CHD1L: variants seen among roughly 807,000 people sequenced by gnomAD.
The protein encoded by CHD1L is chromodomain helicase DNA binding protein 1 like, also known as ATP-dependent chromatin remodeler CHD1L.
CHD1L carries 118 observed loss-of-function variants against 115.9 expected under a neutral mutation model. The ratio of observed to expected loss-of-function variants is 1.02; its 90% confidence interval spans 0.88 to 1.19. CHD1L has a LOEUF of 1.19. Ranked by LOEUF, CHD1L falls within the 50% of genes most tolerant of loss-of-function variation. The pLI, the probability that CHD1L is intolerant of heterozygous loss-of-function variation, is 0.00. For missense variants in CHD1L, 1,179 were observed against 1,065.3 expected, an observed-to-expected ratio of 1.11 and a Z score of -1.49; for synonymous variants, 411 against 387.1, an observed-to-expected ratio of 1.06 and a Z score of -0.72.
intron 1 of CHD1L, 200 bp downstream of exon 1, chr1:147,243,030 G>C: frequency 1.9e-6 from 1 of 533,032 alleles, no homozygotes; most frequent in East Asian, 3.8e-5. Flanking sequence ...GGCGCGCGGG[G>C]CCGGCGGACG....
chr1:147,197,859 A>T, the CHD1L span, among the ~76,000 whole-genome samples: 1 of 152,178 alleles, frequency 6.6e-6, no homozygotes. Flanking sequence ...TCCAGCCCCT[A>T]GCAGAAGGCC....
chr1:147,263,054 TG>T (rs1204415879), intron 6 of CHD1L, among the ~76,000 whole-genome samples: 1 of 152,274 alleles, frequency 6.6e-6, no homozygotes, highest in Non-Finnish European at 1.5e-5. Context: ...TATGTAAATG[TG>T]TATATACATA....
intron 10 of CHD1L, among the ~76,000 whole-genome samples, chr1:147,270,334 TAC>T (rs781996166): frequency 4.6e-5 from 7 of 152,198 alleles, no homozygotes; most frequent in Non-Finnish European, 8.8e-5. Flanking sequence ...CCTCTCGCTA[TAC>T]AAAAATTTTC....
At chr1:147,266,524 GA>G in intron 8 of CHD1L, among the ~76,000 whole-genome samples, 1 of 152,348 alleles carries the variant, frequency 6.6e-6, no homozygotes, top group South Asian at 2.1e-4. Flanking sequence ...GTAGCATGAT[GA>G]AATCTCACTC....
At position 147,286,480 on chromosome 1, in the gene CHD1L, C is replaced by T. The variant is rs782813032; in HGVS notation, c.2201C>T (p.Ala734Val). The stretch of plus-strand genomic sequence containing the variant: ...CACCCTCAGGCTGGGGCCGAGGATG[C>T]TCTCATTGTGCACTGCGTAGGTACG... ...VTHPQAGAED[A>V]LIVHCVDDSG... Residue 734 changes from alanine to valine, a missense_variant, in exon 18 of 23, where the codon GCT becomes GTT. Physicochemically the swap from Ala to Val is moderately conservative, Grantham distance 64 (BLOSUM62 0). Coordinates refer to ENST00000369258, the MANE Select transcript of CHD1L (RefSeq NM_004284.6). The T allele has an allele frequency of 2.5e-6, 4 of 1,613,644 alleles. No homozygotes were observed. Among genetic ancestry groups the T allele is most frequent in the Admixed American group, 3.3e-5 (2 of 59,996 alleles).
chr1:147,262,305 A>G (rs1672244125), intron 6 of CHD1L, among the ~76,000 whole-genome samples: 1 of 152,198 alleles, frequency 6.6e-6, no homozygotes, highest in Admixed American at 6.5e-5. Flanking sequence ...TAAGGCTACC[A>G]AGAACAATTA....
the CHD1L span, among the ~76,000 whole-genome samples, chr1:147,193,781 G>T: frequency 6.6e-6 from 1 of 152,136 alleles, no homozygotes; most frequent in Admixed American, 6.6e-5. Context: ...AGTCATTCAG[G>T]AGCAGGTTGT....
chr1:147,192,836 C>T, the CHD1L span, among the ~76,000 whole-genome samples: 1 of 152,112 alleles, frequency 6.6e-6, no homozygotes, highest in Admixed American at 6.5e-5. Context: ...GTATGTTGAA[C>T]CAGCCTTGCA....
the CHD1L span, among the ~76,000 whole-genome samples, chr1:147,188,458 G>A: frequency 1.4e-5 from 2 of 147,264 alleles, no homozygotes; most frequent in Non-Finnish European, 3.0e-5. Context: ...AGGAAGTGGA[G>A]GTTGCAGTGA....
At chr1:147,242,922 T>C in intron 1 of CHD1L, 92 bp downstream of exon 1, 1 of 1,221,030 alleles carries the variant, frequency 8.2e-7, no homozygotes, top group Non-Finnish European at 1.0e-6. Context: ...GGCCGCCCGG[T>C]GGGCAGTTTA....
the CHD1L span, chr1:147,209,028 C>A: frequency 1.2e-6 from 2 of 1,614,066 alleles, no homozygotes; most frequent in Admixed American, 3.3e-5. Flanking sequence ...GGATCCAAGC[C>A]CCTCTCCTGG....
chr1:147,249,625 C>T (rs1286210780), intron 1 of CHD1L, among the ~76,000 whole-genome samples: 1 of 151,988 alleles, frequency 6.6e-6, no homozygotes, highest in Non-Finnish European at 1.5e-5. Context: ...AGGATGGTCT[C>T]AATCTCTTGA....
In CHD1L at chr1:147,276,156, T is replaced by C. The variant is rs782595117; in HGVS notation, c.1438T>C (p.Tyr480His). 11 of 1,614,068 alleles carry C rather than the reference T, an allele frequency of 6.8e-6. No homozygotes were observed. The highest frequency in any genetic ancestry group is 3.3e-5 in the Admixed American group (2 of 60,012). Residue 480 changes from tyrosine (Y) to histidine (H), a missense_variant, in exon 14 of 23, where the codon TAT (tyrosine) becomes CAT (histidine). By Grantham distance (83) the Tyr-to-His change is moderately conservative. Transcript: ENST00000369258. ...IGRDTVEEIV[Y>H]RKAASKLQLT... is the part of the protein sequence containing the mutation. The stretch of plus-strand genomic sequence containing the variant: ...TCGAGACACTGTGGAAGAAATAGTC[T>C]ATAGGAAAGCAGCCTCCAAACTGCA...
the CHD1L span, chr1:147,187,103 G>A: frequency 5.9e-5 from 95 of 1,613,962 alleles, 1 homozygote; most frequent in South Asian, 9.9e-4. Flanking sequence ...GGAGTGCAGG[G>A]TCCCAGTAAT....
At chr1:147,178,036 T>C in the CHD1L span, 2 of 685,480 alleles carry the variant, frequency 2.9e-6, no homozygotes, top group Non-Finnish European at 4.6e-6. Flanking sequence ...AGTGGTAAAA[T>C]AGGTGGTCGC....
At chr1:147,243,023 G>T (rs1342192102) in intron 1 of CHD1L, 193 bp downstream of exon 1, 1 of 617,570 alleles carries the variant, frequency 1.6e-6, no homozygotes, top group East Asian at 3.7e-5. Flanking sequence ...CCTGCGCGGC[G>T]CGCGGGGCCG....
the CHD1L span, among the ~76,000 whole-genome samples, chr1:147,200,051 C>G: frequency 2.6e-5 from 4 of 152,190 alleles, no homozygotes; most frequent in African/African-American, 4.8e-5. Context: ...TACCTTCCCC[C>G]TCTCCTGCCC....
the CHD1L span, among the ~76,000 whole-genome samples, chr1:147,228,666 C>A: frequency 2.6e-5 from 4 of 152,210 alleles, no homozygotes; most frequent in African/African-American, 4.8e-5. Flanking sequence ...TCCTCTCCAG[C>A]ACCTGTTGTT....
the CHD1L span, among the ~76,000 whole-genome samples, chr1:147,187,776 G>A: frequency 6.6e-6 from 1 of 152,132 alleles, no homozygotes; most frequent in East Asian, 1.9e-4. Context: ...TCCAAATGGA[G>A]ACAAATGAAA....
Sources: allele counts gnomAD v4.1 joint callset (sites outside exome capture counted in the v4.1 genomes callset), GRCh38; gene constraint gnomAD v4.1.1; transcripts MANE v1.5; gene names NCBI Gene and HGNC (gene_info 2026-07-23, HGNC 2026-07-21).